BICRAL: variants seen among roughly 807,000 people sequenced by gnomAD.
The protein encoded by BICRAL is BICRA like chromatin remodeling complex associated protein.
Under a neutral mutation model 91.8 loss-of-function variants are expected in BICRAL, and 8 were observed. The observed-to-expected ratio is 0.09, with a 90% CI of 0.05 to 0.16. The LOEUF (loss-of-function observed/expected upper bound fraction) is 0.16, where lower values mean the gene tolerates loss of function less well. Among genes scored for constraint, BICRAL ranks in the 10% least tolerant of loss-of-function variants. The pLI is 1.00. For synonymous variants in BICRAL, 445 were observed against 491.1 expected, an observed-to-expected ratio of 0.91 and a Z score of 1.24; for missense variants, 1,038 against 1,310.9, an observed-to-expected ratio of 0.79 and a Z score of 3.21.
chr6:42,790,276 A>G (rs141361967), intron 1 of BICRAL, among the ~76,000 whole-genome samples: 1,706 of 151,694 alleles, frequency 0.011, 9 homozygotes, highest in Middle Eastern at 0.031. Context: ...CCCCAACCTC[A>G]GCCTCCCAAG....
chr6:42,776,348 T>G (rs1169258326), intron 1 of BICRAL, among the ~76,000 whole-genome samples: 1 of 150,018 alleles, frequency 6.7e-6, no homozygotes, highest in Non-Finnish European at 1.5e-5. Flanking sequence ...TTATTTTTAT[T>G]ATTATTTTTT....
chr6:42,821,607 T>C (rs1764138555), intron 2 of BICRAL, among the ~76,000 whole-genome samples: 1 of 152,182 alleles, frequency 6.6e-6, no homozygotes, highest in South Asian at 2.1e-4. Flanking sequence ...TTTAGGAACA[T>C]TGAGTCACAA....
intron 1 of BICRAL, among the ~76,000 whole-genome samples, chr6:42,750,774 A>G (rs183484307): frequency 7.0e-6 from 1 of 143,740 alleles, no homozygotes; most frequent in Admixed American, 7.0e-5. Flanking sequence ...ATGGGGTTTC[A>G]CCATGTTGGG....
rs575050000 is a variant in BICRAL at position 42,864,976 on chromosome 6, C to A, written c.2770C>A (p.Arg924=). The change falls in exon 13 of 13, where the codon CGG becomes AGG. Residue 924 remains arginine, a synonymous_variant. Coordinates refer to ENST00000314073, the MANE Select transcript of BICRAL (RefSeq NM_001393499.1). ...GAGCACGTCTGAAGAGAAGGCCAGCCGGAGAGAGCCTCTGAAGGCCAGTCA... is the reference window on the plus strand; with the variant it reads ...GAGCACGTCTGAAGAGAAGGCCAGCAGGAGAGAGCCTCTGAAGGCCAGTCA... ...YQSTSEEKAS[R]REPLKASQCS... The A allele has an allele frequency of 3.1e-6, 5 of 1,614,086 alleles. No individual in the cohort carries two copies. In the Admixed American group the frequency reaches 6.7e-5, roughly 22 times the overall value.
At chr6:42,779,231 C>A (rs1417359557), upstream of BICRAL, among the ~76,000 whole-genome samples, 1 of 75,012 alleles carries the variant, frequency 1.3e-5, no homozygotes, top group Non-Finnish European at 2.8e-5. Context: ...AAAACACACA[C>A]ACACACACAC....
intron 10 of BICRAL, among the ~76,000 whole-genome samples, chr6:42,857,636 T>TATATATATA (rs58815206): frequency 2.0e-5 from 2 of 102,028 alleles, no homozygotes; most frequent in African/African-American, 1.4e-4. Context: ...TATATATATA[T>TATATATATA]TTTTTAGGAG....
At position 42,788,583 on chromosome 6, in the gene BICRAL, G is replaced by A. The variant is rs9369384; in HGVS notation, c.-102+6482G>A. On this transcript the variant is annotated intron_variant, in intron 1 of 12. Coordinates refer to ENST00000314073, the MANE Select transcript of BICRAL (RefSeq NM_001393499.1). ...GAACACTTGCCTTTAGTGGGAGCAA[G>A]ACAACGCAGTGTGGCAGAAGACAAA... Among the ~76,000 whole-genome samples the A allele has an allele frequency of 6.4e-3, 971 of 152,306 alleles. 53 individuals are homozygous for A. In the East Asian group the frequency reaches 0.13, roughly 20 times the overall value.
intron 10 of BICRAL, among the ~76,000 whole-genome samples, chr6:42,857,614 A>AAAAAAAAAAAAAAAAAAAAAATATATAT: frequency 1.0e-5 from 1 of 96,242 alleles, no homozygotes; most frequent in Admixed American, 1.0e-4. Context: ...AAAAAAAAAA[A>AAAAAAAAAAAAAAAAAAAAAATATATAT]ATATATATAT....
chr6:42,760,405 G>A (rs1762527589), intron 1 of BICRAL, among the ~76,000 whole-genome samples: 1 of 151,076 alleles, frequency 6.6e-6, no homozygotes, highest in Non-Finnish European at 1.5e-5. Flanking sequence ...CTCATTTCTA[G>A]AGTAAGGGAA....
intron 10 of BICRAL, among the ~76,000 whole-genome samples, chr6:42,857,639 T>A (rs1367452682): frequency 3.3e-5 from 4 of 121,176 alleles, no homozygotes; most frequent in Non-Finnish European, 6.6e-5. Context: ...ATATATATTT[T>A]TTAGGAGGGT....
chr6:42,857,637 T>TATATATATATATATATATATATATATATA (rs1554283197), intron 10 of BICRAL, among the ~76,000 whole-genome samples: 1 of 94,192 alleles, frequency 1.1e-5, no homozygotes, highest in African/African-American at 6.8e-5. Flanking sequence ...ATATATATAT[T>TATATATATATATATATATATATATATATA]TTTTAGGAGG....
At chr6:42,793,300 T>A (rs1763330909) in intron 1 of BICRAL, among the ~76,000 whole-genome samples, 1 of 81,758 alleles carries the variant, frequency 1.2e-5, no homozygotes, top group Non-Finnish European at 2.3e-5. Flanking sequence ...CAGCTAATTT[T>A]TTTTTTTTTT....
At chr6:42,768,636 G>C (rs1396642115) in intron 1 of BICRAL, among the ~76,000 whole-genome samples, 1 of 152,210 alleles carries the variant, frequency 6.6e-6, no homozygotes, top group Non-Finnish European at 1.5e-5. Flanking sequence ...AGGGGACTCA[G>C]ATATCAATCA....
intron 1 of BICRAL, among the ~76,000 whole-genome samples, chr6:42,748,680 G>A (rs1562444833): frequency 6.6e-6 from 1 of 152,208 alleles, no homozygotes; most frequent in Non-Finnish European, 1.5e-5. Flanking sequence ...TAGTGGAAAG[G>A]GGTCAGTGAG....
chr6:42,840,295 T>G (rs567373851), intron 6 of BICRAL, among the ~76,000 whole-genome samples: 29 of 152,258 alleles, frequency 1.9e-4, no homozygotes, highest in African/African-American at 7.0e-4. Context: ...CAGGCTGGAG[T>G]GCAGTGGTGC....
intron 1 of BICRAL, among the ~76,000 whole-genome samples, chr6:42,786,404 C>T (rs996943763): frequency 1.3e-5 from 2 of 152,104 alleles, no homozygotes; most frequent in African/African-American, 4.8e-5. Context: ...TGGTTTTTCT[C>T]CCCTTGTTTT....
At chr6:42,751,600 G>C (rs1442735109) in intron 1 of BICRAL, among the ~76,000 whole-genome samples, 3 of 151,636 alleles carry the variant, frequency 2.0e-5, no homozygotes, top group South Asian at 2.1e-4. Context: ...CCCTGCACTG[G>C]TGGAAGATAC....
rs1582830178 is a variant in BICRAL at position 42,802,574 on chromosome 6, G to C, written c.-101-7732G>C. ...AGCGATTCTCCTGCCTCAGCCTCCT[G>C]AGTAGCTGGGATTACAGGCACACAC... On this transcript the variant is annotated intron_variant, in intron 1 of 12. Transcript: ENST00000314073. Among the ~76,000 whole-genome samples the C allele has an allele frequency of 4.6e-5, 7 of 152,088 alleles. No homozygotes were observed. The Middle Eastern group carries it at 0.017, about 370-fold the overall frequency.
chr6:42,846,193 G>A lies in BICRAL; in HGVS notation c.1840-5899G>A, dbSNP rs553755241. Among the ~76,000 whole-genome samples the A allele has an allele frequency of 5.3e-5, 8 of 151,612 alleles. No homozygotes were observed. In the East Asian group the frequency reaches 1.4e-3, roughly 26 times the overall value. On this transcript the variant is annotated intron_variant, in intron 6 of 12. Coordinates refer to ENST00000314073, the MANE Select transcript of BICRAL (RefSeq NM_001393499.1). Reference sequence around the variant, plus strand: ...AGGTCGAGACGAGCCTGACCAACATGGTGAAACCCCATCTCTACTAAAAAT... The same window carrying A: ...AGGTCGAGACGAGCCTGACCAACATAGTGAAACCCCATCTCTACTAAAAAT...
Sources: allele counts gnomAD v4.1 joint callset (sites outside exome capture counted in the v4.1 genomes callset), GRCh38; gene constraint gnomAD v4.1.1; transcripts MANE v1.5; gene names NCBI Gene and HGNC (gene_info 2026-07-23, HGNC 2026-07-21).